The following ARHGAP32 variants were observed in gnomAD, a reference collection of about 807,000 sequenced individuals.
ARHGAP32 encodes Rho GTPase activating protein 32, also known as rho GTPase-activating protein 32.
In ARHGAP32, 51 loss-of-function variants were observed where a neutral mutation model predicts 186.5. The ratio of observed to expected loss-of-function variants is 0.27; its 90% CI spans 0.22 to 0.35. The LOEUF (loss-of-function observed/expected upper bound fraction) is 0.35, where lower values mean the gene tolerates loss of function less well. Ranked by LOEUF, ARHGAP32 falls within the 10% of genes least tolerant of loss-of-function variation. The pLI, the probability that ARHGAP32 is intolerant of heterozygous loss-of-function variation, is 1.00. For missense variants in ARHGAP32, 2,186 were observed against 2,623.5 expected (o/e 0.83, Z 3.64); for synonymous variants, 950 against 964.3 (o/e 0.99, Z 0.27).
At chr11:129,051,870 G>A (rs1477655242) in intron 10 of ARHGAP32, among the ~76,000 whole-genome samples, 8 of 144,894 alleles carry the variant, frequency 5.5e-5, no homozygotes, top group African/African-American at 1.0e-4. Flanking sequence ...TGGGAGAATC[G>A]CTTGAACCCA....
intron 1 of ARHGAP32, among the ~76,000 whole-genome samples, chr11:129,230,257 C>T (rs1419744940): frequency 6.6e-6 from 1 of 152,048 alleles, no homozygotes; most frequent in African/African-American, 2.4e-5. Flanking sequence ...TACTGCTTGG[C>T]CAATCCAAAT....
chr11:128,984,485 A>G (rs1276156279), intron 15 of ARHGAP32, among the ~76,000 whole-genome samples: 1 of 152,234 alleles, frequency 6.6e-6, no homozygotes, highest in Non-Finnish European at 1.5e-5. Context: ...AACATGATGG[A>G]AAATTACGCT....
At position 129,176,644 on chromosome 11, in the gene ARHGAP32, G is replaced by A. The variant is rs572737743; in HGVS notation, c.117-12217C>T. ...AGGATTAAGAATCTCACTCAAAACC[G>A]CTCAACTACATGGAAACTGAACAAC... On this transcript the variant is annotated intron_variant, in intron 1 of 22. Coordinates refer to ENST00000682385, the MANE Select transcript of ARHGAP32 (RefSeq NM_001378024.1). Among the ~76,000 whole-genome samples the A allele has an allele frequency of 8.7e-3, 1,313 of 150,088 alleles. 12 individuals are homozygous for A. The highest frequency in any genetic ancestry group is 0.01 in the Non-Finnish European group (676 of 67,462).
chr11:128,974,794 G>A lies in ARHGAP32; in HGVS notation c.2403C>T (p.Asp801=), dbSNP rs759715024. Residue 801 remains aspartate (D), a synonymous_variant, in exon 21 of 23, where the codon GAC becomes GAT. Transcript: ENST00000682385. ...SAEDVDLSPP[D]IGVASLDFDP... is the part of the protein sequence containing the mutation. ...CAAAATCCAGGCTGGCTACTCCAAT[G>A]TCTGGTGGGCTCAAGTCAACATCCT... 99 of 1,614,000 alleles carry A rather than the reference G, an allele frequency of 6.1e-5. No homozygotes were observed. Among genetic ancestry groups the A allele is most frequent in the Non-Finnish European group, 7.5e-5 (89 of 1,180,014 alleles).
intron 11 of ARHGAP32, among the ~76,000 whole-genome samples, chr11:129,006,914 T>C (rs1036730306): frequency 7.2e-5 from 11 of 152,122 alleles, no homozygotes; most frequent in Non-Finnish European, 8.8e-5. Flanking sequence ...TTCTACTATA[T>C]TGCAGCTGAG....
intron 6 of ARHGAP32, among the ~76,000 whole-genome samples, chr11:129,087,470 C>G (rs1218646848): frequency 6.6e-6 from 1 of 152,124 alleles, no homozygotes; most frequent in Non-Finnish European, 1.5e-5. Context: ...ATGCATATTA[C>G]TAAGTGAAAG....
chr11:129,193,657 C>A (rs1279338419), upstream of ARHGAP32, among the ~76,000 whole-genome samples: 3 of 43,450 alleles, frequency 6.9e-5, no homozygotes, highest in Non-Finnish European at 1.3e-4. Flanking sequence ...AATACATATA[C>A]AATATATATT....
At chr11:129,073,384 G>T (rs144894481) in intron 6 of ARHGAP32, among the ~76,000 whole-genome samples, 3,184 of 152,266 alleles carry the variant, frequency 0.021, 85 homozygotes, top group Admixed American at 0.077. Flanking sequence ...GATGTAAGCA[G>T]AGAATTGGAA....
rs538881076 is a variant in ARHGAP32 at position 129,002,626 on chromosome 11, T to C, written c.1046-4158A>G. ...GCTCTAGCCAGAACTTCCAATACTA[T>C]GTTAAAGAAGAGTGGTAAAAGTGGG... On this transcript the variant is annotated intron_variant, in intron 11 of 22. Coordinates refer to ENST00000682385, the MANE Select transcript of ARHGAP32 (RefSeq NM_001378024.1). 3.3e-5 allele frequency among the ~76,000 whole-genome samples: 5 copies of C among 152,256 alleles called. No individual in the cohort carries two copies. The South Asian group carries it at 8.3e-4, about 25-fold the overall frequency.
rs79505038 is a variant in ARHGAP32 at position 128,969,708 on chromosome 11, G to A, written c.5505C>T (p.Pro1835=). 137 of 1,614,056 alleles carry A rather than the reference G, an allele frequency of 8.5e-5. 1 individual carries two copies. In the African/African-American group the frequency reaches 1.4e-3, roughly 17 times the overall value. ...TCCTATAGAAGCGGTCCTCTCCCTC[G>A]GGACTGATGGCCTTGGCTGCATGGC... ...ESRHAAKAIS[P]EGEDRFYRRH... is the part of the protein sequence containing the mutation. The change falls in exon 23 of 23, where the codon CCC becomes CCT. Residue 1835 remains proline, a synonymous_variant. Coordinates refer to ENST00000682385, the MANE Select transcript of ARHGAP32 (RefSeq NM_001378024.1). This position sits in a 1 kb window ranked among gnomAD's most constrained non-coding sequence, Gnocchi z 4.8.
At chr11:129,168,799 C>T (rs1158759465) in intron 1 of ARHGAP32, among the ~76,000 whole-genome samples, 1 of 151,770 alleles carries the variant, frequency 6.6e-6, no homozygotes, top group Non-Finnish European at 1.5e-5. Context: ...AAATTTAAAT[C>T]ATGAATCACG....
At chr11:129,261,835 C>T (rs182332224) in intron 1 of ARHGAP32, among the ~76,000 whole-genome samples, 9 of 152,068 alleles carry the variant, frequency 5.9e-5, no homozygotes, top group Admixed American at 4.6e-4. Flanking sequence ...AAAAGGAAAC[C>T]AAAACATATT....
chr11:128,997,709 T>C (rs756215682), intron 12 of ARHGAP32, among the ~76,000 whole-genome samples: 1 of 152,102 alleles, frequency 6.6e-6, no homozygotes, highest in Non-Finnish European at 1.5e-5. Context: ...TAGATTCCTA[T>C]AAAAAATAAA....
rs573028683 is a variant in ARHGAP32 at position 129,171,397 on chromosome 11, A to C, written c.117-6970T>G. 3.9e-3 allele frequency among the ~76,000 whole-genome samples: 592 copies of C among 152,312 alleles called. 2 individuals carry two copies. Among genetic ancestry groups the C allele is most frequent in the African/African-American group, 0.014 (566 of 41,560 alleles). On this transcript the variant is annotated intron_variant, in intron 1 of 22. Transcript: ENST00000682385. ...TTCAGTTTTCTGTATATGGCTAGCC[A>C]GTTTTCCCAGCACCATTTACTGAAT...
chr11:129,075,857 G>A (rs1313268968), intron 6 of ARHGAP32, among the ~76,000 whole-genome samples: 3 of 152,170 alleles, frequency 2.0e-5, no homozygotes, highest in Non-Finnish European at 4.4e-5. Flanking sequence ...TCTTGAAGAG[G>A]TGCTGAGTGA....
At chr11:129,065,663 C>CTAA (rs1362743643) in intron 7 of ARHGAP32, among the ~76,000 whole-genome samples, 1 of 152,032 alleles carries the variant, frequency 6.6e-6, no homozygotes, top group East Asian at 1.9e-4. Flanking sequence ...CTGCAGTGTC[C>CTAA]GTTATATTTT....
chr11:129,167,425 A>T (rs924858267), intron 1 of ARHGAP32, among the ~76,000 whole-genome samples: 9 of 152,218 alleles, frequency 5.9e-5, no homozygotes, highest in Non-Finnish European at 1.3e-4. Flanking sequence ...GAATATTCAT[A>T]GCAATATTAT....
intron 1 of ARHGAP32, among the ~76,000 whole-genome samples, chr11:129,259,249 G>C (rs971351411): frequency 6.6e-6 from 1 of 152,058 alleles, no homozygotes; most frequent in African/African-American, 2.4e-5. Flanking sequence ...GATTAGTATT[G>C]AATACTCAGC....
intron 12 of ARHGAP32, among the ~76,000 whole-genome samples, chr11:128,995,294 A>T (rs1946167280): frequency 6.6e-6 from 1 of 152,012 alleles, no homozygotes; most frequent in African/African-American, 2.4e-5. Context: ...GTAGTCTCCA[A>T]CTCCTGGGGT....
Sources: allele counts gnomAD v4.1 joint callset (sites outside exome capture counted in the v4.1 genomes callset), GRCh38; gene constraint gnomAD v4.1.1; non-coding constraint Gnocchi (gnomAD v3.1); transcripts MANE v1.5; gene names NCBI Gene and HGNC (gene_info 2026-07-23, HGNC 2026-07-21).